The following CCNYL1 variants were observed in gnomAD, a reference collection of about 807,000 sequenced individuals.
CCNYL1 encodes the protein cyclin-Y-like protein 1.
CCNYL1 carries 16 observed loss-of-function variants against 44.2 expected under a neutral mutation model. The ratio of observed to expected loss-of-function variants is 0.36; its 90% confidence interval spans 0.25 to 0.55. The LOEUF (loss-of-function observed/expected upper bound fraction) is 0.55, where lower values mean the gene tolerates loss of function less well. CCNYL1 is among the 20% of genes least tolerant of loss of function. The pLI, the probability that CCNYL1 is intolerant of heterozygous loss-of-function variation, is 0.85. For synonymous variants in CCNYL1, 159 were observed against 163.2 expected (o/e 0.97, Z 0.20); for missense variants, 348 against 451.8 (o/e 0.77, Z 2.08).
intron 6 of CCNYL1, 86 bp from the exon 7 acceptor site, chr2:207,742,137 G>A (rs2091816423): frequency 1.5e-6 from 2 of 1,341,368 alleles, no homozygotes; most frequent in South Asian, 1.4e-5. Context: ...GGCAGTAAGA[G>A]TGAAACTCAG....
At chr2:207,737,980 G>C (rs2091778461) in intron 5 of CCNYL1, among the ~76,000 whole-genome samples, 1 of 151,954 alleles carries the variant, frequency 6.6e-6, no homozygotes, top group Admixed American at 6.6e-5. Flanking sequence ...ACAGAAAACA[G>C]CTGGATTCTC....
At chr2:207,751,759 C>G (rs1278896742) in intron 9 of CCNYL1, among the ~76,000 whole-genome samples, 1 of 151,690 alleles carries the variant, frequency 6.6e-6, no homozygotes, top group Non-Finnish European at 1.5e-5. Context: ...GAGGCTGAGG[C>G]AGGAGAATCG....
chr2:207,713,258 T>C (rs759024967), intron 1 of CCNYL1, among the ~76,000 whole-genome samples: 9 of 152,210 alleles, frequency 5.9e-5, no homozygotes, highest in Admixed American at 3.3e-4. Context: ...GGTTCATGGT[T>C]AGAAGTTTCA....
intron 1 of CCNYL1, among the ~76,000 whole-genome samples, chr2:207,713,875 A>C (rs2091572433): frequency 6.6e-6 from 1 of 152,166 alleles, no homozygotes; most frequent in East Asian, 1.9e-4. Context: ...GTGAAAACTT[A>C]ATGCTCTCTT....
At chr2:207,738,328 C>T (rs569333569) in intron 5 of CCNYL1, among the ~76,000 whole-genome samples, 2 of 152,144 alleles carry the variant, frequency 1.3e-5, no homozygotes, top group Admixed American at 1.3e-4. Context: ...TCAAGCGATT[C>T]TCCTGCCTCG....
chr2:207,735,119 T>C (rs1337933557), intron 4 of CCNYL1, among the ~76,000 whole-genome samples: 1 of 152,244 alleles, frequency 6.6e-6, no homozygotes, highest in Non-Finnish European at 1.5e-5. Context: ...ATAGATTTCA[T>C]GCTTTTTTCC....
At position 207,754,830 on chromosome 2, in the gene CCNYL1, C is replaced by T. The variant is rs749072659; in HGVS notation, c.*1132C>T. 1.0e-4 allele frequency: 16 copies of T among 153,738 alleles called. No individual in the cohort carries two copies. The highest frequency in any genetic ancestry group is 1.8e-4 in the Non-Finnish European group (12 of 68,066). 9.5% of individuals were successfully genotyped at this position (153,738 alleles called of 1,614,324 possible). On this transcript the variant is annotated 3_prime_UTR_variant, in exon 10 of 10. Coordinates refer to ENST00000295414, the MANE Select transcript of CCNYL1 (RefSeq NM_001330218.2). The stretch of plus-strand genomic sequence containing the variant: ...ATATTAAGCTTTTAATTTTTTGTTT[C>T]GGTCACTCTTGATAGCAGACATTGA...
At chr2:207,715,127 G>T (rs1050567753) in intron 1 of CCNYL1, among the ~76,000 whole-genome samples, 1 of 151,994 alleles carries the variant, frequency 6.6e-6, no homozygotes, top group Non-Finnish European at 1.5e-5. Flanking sequence ...AATTAGCTGG[G>T]TGTGGTGGCG....
chr2:207,712,302 T>C (rs1265190432), intron 1 of CCNYL1, among the ~76,000 whole-genome samples, 186 bp downstream of exon 1: 1 of 152,164 alleles, frequency 6.6e-6, no homozygotes, highest in Non-Finnish European at 1.5e-5. Context: ...CCAGTTTCTT[T>C]TCCTCCTCCT....
At chr2:207,725,475 C>T (rs757329889) in intron 2 of CCNYL1, among the ~76,000 whole-genome samples, 28 of 152,126 alleles carry the variant, frequency 1.8e-4, no homozygotes, top group Non-Finnish European at 3.8e-4. Flanking sequence ...TTCCCTTGCT[C>T]CAAAAGAGTA....
At chr2:207,737,533 C>T in intron 5 of CCNYL1, 87 bp downstream of exon 5, 2 of 1,074,676 alleles carry the variant, frequency 1.9e-6, no homozygotes, top group Non-Finnish European at 2.8e-6. Flanking sequence ...CTATAGACAT[C>T]ATAAGCTATA....
intron 5 of CCNYL1, among the ~76,000 whole-genome samples, chr2:207,738,688 A>G (rs1399147128): frequency 1.3e-5 from 2 of 150,996 alleles, no homozygotes; most frequent in Non-Finnish European, 2.9e-5. Context: ...CATTGGTTAT[A>G]TGGAAAATAT....
intron 8 of CCNYL1, among the ~76,000 whole-genome samples, chr2:207,750,341 T>C (rs907012196): frequency 2.0e-5 from 3 of 152,228 alleles, no homozygotes; most frequent in Non-Finnish European, 4.4e-5. Flanking sequence ...CATTATGCCC[T>C]TTGACATAGC....
chr2:207,730,414 A>T (rs944641379), intron 3 of CCNYL1, among the ~76,000 whole-genome samples: 1 of 152,150 alleles, frequency 6.6e-6, no homozygotes, highest in Non-Finnish European at 1.5e-5. Flanking sequence ...TTGTGCTTCC[A>T]TATCAGTTAC....
Position 207,724,888 on chromosome 2 carries a change from G to C in CCNYL1, c.295+14G>C, listed in dbSNP as rs759812885. On this transcript the variant is annotated intron_variant, in intron 2 of 9. Coordinates refer to ENST00000295414, the MANE Select transcript of CCNYL1 (RefSeq NM_001330218.2). Reference sequence around the variant, plus strand: ...CTCAAACGGATGGTAAGACAATACTGTTTTTTCCTTCCAAGGAAAAGACTG... The same window carrying C: ...CTCAAACGGATGGTAAGACAATACTCTTTTTTCCTTCCAAGGAAAAGACTG... The C allele has an allele frequency of 6.3e-6, 10 of 1,589,176 alleles. No homozygotes were observed. The highest frequency in any genetic ancestry group is 7.7e-6 in the Non-Finnish European group (9 of 1,165,158).
At chr2:207,734,070 G>A (rs752287007) in intron 4 of CCNYL1, 23 bp downstream of exon 4, 1 of 1,481,040 alleles carries the variant, frequency 6.8e-7, no homozygotes, top group Non-Finnish European at 9.4e-7. Context: ...AGGCTGCCAA[G>A]GGCTGAGTGA....
At chr2:207,719,458 G>A (rs1448926927) in intron 1 of CCNYL1, among the ~76,000 whole-genome samples, 6 of 151,656 alleles carry the variant, frequency 4.0e-5, no homozygotes, top group African/African-American at 4.8e-5. Flanking sequence ...GTGCCACCAC[G>A]CCCAGCTAAT....
intron 7 of CCNYL1, among the ~76,000 whole-genome samples, chr2:207,746,716 A>G (rs2091857362): frequency 6.6e-6 from 1 of 152,232 alleles, no homozygotes; most frequent in African/African-American, 2.4e-5. Context: ...GCGGTGGCTT[A>G]CGCCTGTAAT....
rs2091922410 is a variant in CCNYL1 at position 207,755,102 on chromosome 2, G to A, written c.*1404G>A. The A allele has an allele frequency of 6.6e-6, 1 of 152,086 alleles. No individual in the cohort carries two copies. Among genetic ancestry groups the A allele is most frequent in the Non-Finnish European group, 1.5e-5 (1 of 68,054 alleles). 9.4% of individuals were successfully genotyped at this position (152,086 alleles called of 1,614,324 possible). ...AATTAAATGCAAAAGAAATGGGCTG[G>A]GCATAGTGATTCATGCCTGTAATCT... On this transcript the variant is annotated 3_prime_UTR_variant, in exon 10 of 10. Transcript: ENST00000295414.
Sources: gnomAD v4.1 joint callset for allele counts (sites outside exome capture counted in the v4.1 genomes callset) on GRCh38, gnomAD v4.1.1 for gene constraint, MANE v1.5 for transcripts, NCBI Gene and HGNC (gene_info 2026-07-23, HGNC 2026-07-21) for gene names.